The following DLGAP2 variants were observed in gnomAD, a reference collection of about 807,000 sequenced individuals.
DLGAP2 encodes disks large-associated protein 2.
In DLGAP2, 26 loss-of-function variants were observed where a neutral mutation model predicts 100.3. That is an observed-to-expected ratio of 0.26 (90% CI 0.19 to 0.36). The LOEUF is 0.36. Among genes scored for constraint, DLGAP2 ranks in the 10% least tolerant of loss-of-function variants. The probability of loss-of-function intolerance (pLI) is 1.00; values close to 1 mark genes in which losing one functional copy is unlikely to be tolerated. For missense variants in DLGAP2, 1,858 were observed against 1,453.2 expected, an observed-to-expected ratio of 1.28 and a Z score of -4.53; for synonymous variants, 886 against 630.1, an observed-to-expected ratio of 1.41 and a Z score of -6.08.
chr8:1,007,246 C>A (rs1040786201), intron 2 of DLGAP2, among the ~76,000 whole-genome samples: 1 of 152,222 alleles, frequency 6.6e-6, no homozygotes, highest in South Asian at 2.1e-4. Context: ...CCACACTCTT[C>A]ACGTGTCTGC....
chr8:1,000,126 G>A (rs1260606921), intron 2 of DLGAP2, among the ~76,000 whole-genome samples: 1 of 148,486 alleles, frequency 6.7e-6, no homozygotes, highest in Non-Finnish European at 1.5e-5. Context: ...AGACAGATCC[G>A]GGTGGACGTG....
intron 2 of DLGAP2, among the ~76,000 whole-genome samples, chr8:1,226,348 T>C (rs2116823108): frequency 6.6e-6 from 1 of 152,264 alleles, no homozygotes; most frequent in African/African-American, 2.4e-5. Context: ...GAAGCCATTA[T>C]CCTCAGCAAA....
At chr8:1,371,326 C>T (rs1802231569) in intron 3 of DLGAP2, among the ~76,000 whole-genome samples, 1 of 152,238 alleles carries the variant, frequency 6.6e-6, no homozygotes, top group Admixed American at 6.5e-5. Context: ...TTGGACCTGG[C>T]TGGTGCTGTA....
intron 1 of DLGAP2, among the ~76,000 whole-genome samples, chr8:841,512 G>A (rs995920190): frequency 5.6e-4 from 85 of 152,204 alleles, no homozygotes; most frequent in African/African-American, 2.0e-3. Context: ...GTTACTAGGG[G>A]TGTACGTTGC....
At chr8:1,187,109 G>A (rs190351214) in intron 2 of DLGAP2, among the ~76,000 whole-genome samples, 117 of 151,874 alleles carry the variant, frequency 7.7e-4, no homozygotes, top group South Asian at 2.8e-3. Context: ...GTTCAAAGAT[G>A]ATTGTCAGTT....
At chr8:950,798 A>T (rs1584917661) in intron 2 of DLGAP2, among the ~76,000 whole-genome samples, 1 of 150,108 alleles carries the variant, frequency 6.7e-6, no homozygotes. Flanking sequence ...ATTTTTTTGT[A>T]TTTTTTTAGT....
intron 4 of DLGAP2, among the ~76,000 whole-genome samples, chr8:1,508,877 A>C (rs980805990): frequency 1.3e-5 from 2 of 151,924 alleles, no homozygotes; most frequent in Non-Finnish European, 2.9e-5. Context: ...GATCATTTGT[A>C]GTTAAGGATC....
At chr8:925,793 C>T (rs546223137) in intron 2 of DLGAP2, among the ~76,000 whole-genome samples, 1 of 152,122 alleles carries the variant, frequency 6.6e-6, no homozygotes, top group South Asian at 2.1e-4. Flanking sequence ...AGCTGAAGGC[C>T]CAGGAAGAGC....
intron 3 of DLGAP2, among the ~76,000 whole-genome samples, chr8:1,435,563 C>T (rs1382734884): frequency 6.6e-6 from 1 of 152,126 alleles, no homozygotes. Context: ...TGTGATGGTG[C>T]TGACAGACGA....
chr8:1,319,766 A>C (rs1412490868), intron 3 of DLGAP2, among the ~76,000 whole-genome samples: 1 of 152,214 alleles, frequency 6.6e-6, no homozygotes, highest in Non-Finnish European at 1.5e-5. Context: ...GTTTCCAGGC[A>C]GGGAGATGTT....
chr8:1,558,271 GC>G (rs1470318360), intron 5 of DLGAP2, among the ~76,000 whole-genome samples: 1 of 152,216 alleles, frequency 6.6e-6, no homozygotes, highest in African/African-American at 2.4e-5. Flanking sequence ...CCAGTCGCAG[GC>G]GGCTTAGATG....
chr8:1,626,774 G>A lies in DLGAP2; in HGVS notation c.1477G>A (p.Val493Met), dbSNP rs372268662. ...CCTGCAAGCTGCAAGCGATGTGCCT[G>A]TGGGACACAGCCTGGACCCCGCTGC... is the stretch of plus-strand genomic sequence containing the variant. ...TYLQAASDVP[V>M]GHSLDPAANY... Residue 493 changes from valine (V) to methionine (M), a missense_variant, in exon 7 of 15, where the codon GTG becomes ATG. Transcript: ENST00000637795. 8 of 1,603,980 alleles carry A rather than the reference G, an allele frequency of 5.0e-6. No homozygotes were observed. Among genetic ancestry groups the A allele is most frequent in the African/African-American group, 1.3e-5 (1 of 74,702 alleles).
chr8:932,474 T>C (rs1798981362), intron 2 of DLGAP2, among the ~76,000 whole-genome samples: 1 of 152,256 alleles, frequency 6.6e-6, no homozygotes, highest in Non-Finnish European at 1.5e-5. Flanking sequence ...CTGAGTTTTG[T>C]TTTTTCATTT....
intron 3 of DLGAP2, among the ~76,000 whole-genome samples, chr8:1,291,844 G>C: frequency 6.6e-6 from 1 of 152,098 alleles, no homozygotes; most frequent in Non-Finnish European, 1.5e-5. Context: ...TGCTCAGCAG[G>C]CCATATGGCT....
intron 2 of DLGAP2, among the ~76,000 whole-genome samples, chr8:979,995 T>C (rs1800282344): frequency 6.6e-6 from 1 of 152,210 alleles, no homozygotes; most frequent in South Asian, 2.1e-4. Flanking sequence ...GATGTCTGTC[T>C]GCAACCTCTA....
intron 2 of DLGAP2, among the ~76,000 whole-genome samples, chr8:982,165 C>T (rs889269862): frequency 1.1e-4 from 16 of 152,218 alleles, no homozygotes; most frequent in Admixed American, 1.0e-3. Flanking sequence ...GGTTGTATAA[C>T]TCCACTGTGT....
At chr8:1,114,985 C>T (rs1805072508) in intron 2 of DLGAP2, among the ~76,000 whole-genome samples, 1 of 152,164 alleles carries the variant, frequency 6.6e-6, no homozygotes. Context: ...TGTGTAATTT[C>T]CATGTAATTT....
At chr8:1,362,376 C>G (rs1464081043) in intron 3 of DLGAP2, among the ~76,000 whole-genome samples, 3 of 126,034 alleles carry the variant, frequency 2.4e-5, no homozygotes, top group Non-Finnish European at 4.8e-5. Flanking sequence ...CCTTCTTGAT[C>G]TTCCATCTTC....
chr8:1,312,126 C>G (rs1454216518), intron 3 of DLGAP2, among the ~76,000 whole-genome samples: 2 of 152,216 alleles, frequency 1.3e-5, no homozygotes, highest in Non-Finnish European at 2.9e-5. Flanking sequence ...TCGCACAGAA[C>G]ATTCGCCAAG....
Sources: gnomAD v4.1 joint callset for allele counts (sites outside exome capture counted in the v4.1 genomes callset) on GRCh38, gnomAD v4.1.1 for gene constraint, MANE v1.5 for transcripts, NCBI Gene and HGNC (gene_info 2026-07-23, HGNC 2026-07-21) for gene names.